RCAN1: variants seen among roughly 807,000 people sequenced by gnomAD.
The protein encoded by RCAN1 is calcipressin-1.
RCAN1 carries 11 observed loss-of-function variants against 22.9 expected under a neutral mutation model. That is an observed-to-expected ratio of 0.48 (90% CI 0.30 to 0.79). The LOEUF is 0.79. Ranked by LOEUF, RCAN1 falls within the 30% of genes least tolerant of loss-of-function variation. The probability of loss-of-function intolerance (pLI) is 0.06; values close to 1 mark genes in which losing one functional copy is unlikely to be tolerated. For missense variants in RCAN1, 291 were observed against 337.8 expected (o/e 0.86, Z 1.09); for synonymous variants, 136 against 142.3 (o/e 0.96, Z 0.32).
At chr21:34,582,091 A>G (rs1987632174) in intron 1 of RCAN1, among the ~76,000 whole-genome samples, 1 of 152,196 alleles carries the variant, frequency 6.6e-6, no homozygotes, top group Non-Finnish European at 1.5e-5. Context: ...AGAGGGGTCT[A>G]TGCTCATTAC....
At chr21:34,542,209 C>T (rs1026097608) in intron 1 of RCAN1, among the ~76,000 whole-genome samples, 3 of 152,174 alleles carry the variant, frequency 2.0e-5, no homozygotes, top group African/African-American at 2.4e-5. Context: ...ACTCCACATG[C>T]TCTCCTACAG....
intron 1 of RCAN1, among the ~76,000 whole-genome samples, chr21:34,563,442 G>GA (rs1465272826): frequency 2.0e-5 from 3 of 152,042 alleles, no homozygotes; most frequent in Non-Finnish European, 4.4e-5. Flanking sequence ...GTTTATGACA[G>GA]AAAAAACATG....
chr21:34,562,954 C>T (rs1049095265), intron 1 of RCAN1, among the ~76,000 whole-genome samples: 24 of 152,194 alleles, frequency 1.6e-4, no homozygotes, highest in African/African-American at 5.3e-4. Flanking sequence ...TATTAAGTTG[C>T]CTATTTTGTT....
intron 1 of RCAN1, among the ~76,000 whole-genome samples, chr21:34,536,038 T>C (rs1040088740): frequency 1.3e-5 from 2 of 152,228 alleles, no homozygotes; most frequent in South Asian, 2.1e-4. Context: ...TTAAATTCCA[T>C]GTGCGCTCAG....
In RCAN1 at chr21:34,518,434, G is replaced by C. The variant is rs1470806700; in HGVS notation, c.587-178C>G. 6.6e-6 allele frequency among the ~76,000 whole-genome samples: 1 copy of C among 152,228 alleles called. No homozygotes were observed. The highest frequency in any genetic ancestry group is 1.9e-4 in the East Asian group (1 of 5,202). Reference sequence around the variant, plus strand: ...TTCTTTGCTAGCTCATTCAGAAAAAGAGAGATTTCCATTGTGCATGACTCT... The same window carrying C: ...TTCTTTGCTAGCTCATTCAGAAAAACAGAGATTTCCATTGTGCATGACTCT... On this transcript the variant is annotated intron_variant, in intron 3 of 3. Transcript: ENST00000313806. This position sits in a 1 kb window ranked among gnomAD's most constrained non-coding sequence, Gnocchi z 4.2.
At position 34,614,824 on chromosome 21, in the gene RCAN1, T is replaced by C; in HGVS notation, c.188A>G (p.Asp63Gly). The change falls in exon 1 of 4, where the codon GAC becomes GGC. Residue 63 changes from aspartate (D) to glycine (G), a missense_variant. Asp to Gly is a moderately conservative substitution (Grantham distance 94, BLOSUM62 -1). Coordinates refer to ENST00000313806, the MANE Select transcript of RCAN1 (RefSeq NM_004414.7). This position sits in a 1 kb window ranked among gnomAD's most constrained non-coding sequence, Gnocchi z 6.0. ...ACAGGCGATGGTGGCGCTGGGCAGG[T>C]CCTGCAGGTCCACCTCCTCCATCTC... ...DCEMEEVDLQ[D>G]LPSATIACHL... 6.7e-7 allele frequency: 1 copy of C among 1,490,628 alleles called. No individual in the cohort carries two copies. Among genetic ancestry groups the C allele is most frequent in the East Asian group, 2.9e-5 (1 of 34,358 alleles). 92.3% of individuals were successfully genotyped at this position (1,490,628 alleles called of 1,614,324 possible).
chr21:34,599,563 G>A (rs916241039), intron 1 of RCAN1, among the ~76,000 whole-genome samples: 2 of 152,170 alleles, frequency 1.3e-5, no homozygotes, highest in Non-Finnish European at 2.9e-5. Flanking sequence ...CTAATACTAC[G>A]TAATGTAAAC....
chr21:34,598,301 A>C (rs1014099991), intron 1 of RCAN1, among the ~76,000 whole-genome samples: 1 of 152,266 alleles, frequency 6.6e-6, no homozygotes, highest in Non-Finnish European at 1.5e-5. Context: ...TCACTGTATT[A>C]ATTGTTAAAT....
chr21:34,529,440 G>A (rs1985254625), intron 1 of RCAN1, among the ~76,000 whole-genome samples: 1 of 152,334 alleles, frequency 6.6e-6, no homozygotes, highest in African/African-American at 2.4e-5. Flanking sequence ...GGGTAAGACT[G>A]CCTTATGCTC....
intron 1 of RCAN1, among the ~76,000 whole-genome samples, chr21:34,601,711 G>T (rs534421856): frequency 2.9e-4 from 44 of 151,966 alleles, no homozygotes; most frequent in Non-Finnish European, 5.9e-5. Context: ...CCAGCTACTT[G>T]GGAGGCTGAG....
chr21:34,608,522 C>G (rs968734086), intron 1 of RCAN1, among the ~76,000 whole-genome samples: 2 of 152,200 alleles, frequency 1.3e-5, no homozygotes, highest in African/African-American at 4.8e-5. Flanking sequence ...CAGCAGCCCC[C>G]ACACAAGTGA....
In RCAN1 at chr21:34,601,903, C is replaced by A. The variant is rs1009896656; in HGVS notation, c.252+12857G>T. Among the ~76,000 whole-genome samples, 3 of 151,698 alleles carry A rather than the reference C, an allele frequency of 2.0e-5. No individual in the cohort carries two copies. The East Asian group carries it at 5.8e-4, about 29-fold the overall frequency. Reference sequence around the variant, plus strand: ...GTGATCACATGTGTAGGTATAGACACCTTCACACTCACTGCACTCTCAGCT... The same window carrying A: ...GTGATCACATGTGTAGGTATAGACAACTTCACACTCACTGCACTCTCAGCT... On this transcript the variant is annotated intron_variant, in intron 1 of 3. Coordinates refer to ENST00000313806, the MANE Select transcript of RCAN1 (RefSeq NM_004414.7).
rs766445381 is a variant in RCAN1 at position 34,526,776 on chromosome 21, C to G, written c.253-3066G>C. ...TTGCTTTCTTACAGTGAAAGCGCTA[C>G]AGACCCACGCAGTCAAGCCCCTAGT... On this transcript the variant is annotated intron_variant, in intron 1 of 3. Transcript: ENST00000313806. The G allele has an allele frequency of 2.5e-6, 4 of 1,600,564 alleles. No individual in the cohort carries two copies. The South Asian group carries it at 4.5e-5, about 18-fold the overall frequency.
At chr21:34,604,645 A>G (rs1988468337) in intron 1 of RCAN1, among the ~76,000 whole-genome samples, 1 of 152,252 alleles carries the variant, frequency 6.6e-6, no homozygotes, top group Non-Finnish European at 1.5e-5. Context: ...TTTTGAGCAG[A>G]TTCCTACATG....
intron 1 of RCAN1, among the ~76,000 whole-genome samples, chr21:34,536,392 G>A (rs927242045): frequency 1.3e-5 from 2 of 152,192 alleles, no homozygotes; most frequent in African/African-American, 4.8e-5. Context: ...ACCTGGGGAA[G>A]AACAATCACC....
chr21:34,540,734 C>A (rs971695802), intron 1 of RCAN1, among the ~76,000 whole-genome samples: 1 of 152,130 alleles, frequency 6.6e-6, no homozygotes, highest in Admixed American at 6.5e-5. Context: ...CTCCTGTAAT[C>A]CCAGCACTTT....
chr21:34,525,548 T>C (rs1984987412), intron 1 of RCAN1: 1 of 552,178 alleles, frequency 1.8e-6, no homozygotes, highest in African/African-American at 1.9e-5. Flanking sequence ...AGTTTTGAAG[T>C]TATGATTCAG....
chr21:34,524,816 C>T (rs761715075), intron 1 of RCAN1, among the ~76,000 whole-genome samples: 1 of 152,018 alleles, frequency 6.6e-6, no homozygotes, highest in South Asian at 2.1e-4. Context: ...AGGGGACAGC[C>T]CCCTAGGCTG....
At chr21:34,557,621 T>C (rs1323103682) in intron 1 of RCAN1, among the ~76,000 whole-genome samples, 2 of 152,242 alleles carry the variant, frequency 1.3e-5, no homozygotes, top group Non-Finnish European at 2.9e-5. Flanking sequence ...TAACACGTGG[T>C]GGCTTTTTAA....
Sources: allele counts gnomAD v4.1 joint callset (sites outside exome capture counted in the v4.1 genomes callset), GRCh38; gene constraint gnomAD v4.1.1; non-coding constraint Gnocchi (gnomAD v3.1); transcripts MANE v1.5; gene names NCBI Gene and HGNC (gene_info 2026-07-23, HGNC 2026-07-21).